The following CDH13 variants were observed in gnomAD, a reference collection of about 807,000 sequenced individuals.
CDH13 encodes the protein cadherin-13.
A neutral mutation model predicts 63.8 loss-of-function variants in CDH13; 24 were observed. That is an observed-to-expected ratio of 0.38 (90% CI 0.27 to 0.53). CDH13 has a LOEUF of 0.53. Ranked by LOEUF, CDH13 falls within the 20% of genes least tolerant of loss-of-function variation. The pLI is 0.85. For missense variants in CDH13, 1,049 were observed against 903.1 expected (o/e 1.16, Z -2.07); for synonymous variants, 503 against 355.3 (o/e 1.42, Z -4.67).
At chr16:83,637,012 G>A (rs1567473313) in intron 8 of CDH13, among the ~76,000 whole-genome samples, 2 of 152,178 alleles carry the variant, frequency 1.3e-5, no homozygotes, top group Admixed American at 1.3e-4. Context: ...GCTGATTAGT[G>A]ATGATGAGCA....
At chr16:83,072,299 C>T (rs933711295) in intron 3 of CDH13, among the ~76,000 whole-genome samples, 1 of 152,088 alleles carries the variant, frequency 6.6e-6, no homozygotes, top group Non-Finnish European at 1.5e-5. Flanking sequence ...AGTTTGCAAT[C>T]GTTTAGTTAA....
At chr16:83,292,601 A>G (rs971511399) in intron 5 of CDH13, among the ~76,000 whole-genome samples, 1 of 152,182 alleles carries the variant, frequency 6.6e-6, no homozygotes, top group Non-Finnish European at 1.5e-5. Flanking sequence ...TACCTCTCCC[A>G]GATGAGGCCC....
At chr16:83,788,814 G>C (rs11647783) in intron 13 of CDH13, among the ~76,000 whole-genome samples, 30,874 of 152,184 alleles carry the variant, frequency 0.2, 3,491 homozygotes, top group Non-Finnish European at 0.26. Context: ...AGGGGCACCT[G>C]TGTGTAAAGT....
At chr16:83,540,923 C>T (rs976823352) in intron 7 of CDH13, among the ~76,000 whole-genome samples, 1 of 152,212 alleles carries the variant, frequency 6.6e-6, no homozygotes, top group South Asian at 2.1e-4. Context: ...AGCCACTGCA[C>T]CTGGCCTATT....
At chr16:83,236,182 C>G (rs990064385) in intron 5 of CDH13, among the ~76,000 whole-genome samples, 2 of 151,712 alleles carry the variant, frequency 1.3e-5, no homozygotes, top group Non-Finnish European at 2.9e-5. Flanking sequence ...CTTTTCCAAA[C>G]TAGTTCTGAA....
At chr16:83,671,851 G>A (rs1181601836) in intron 9 of CDH13, among the ~76,000 whole-genome samples, 2 of 152,218 alleles carry the variant, frequency 1.3e-5, no homozygotes, top group Non-Finnish European at 1.5e-5. Context: ...TGGTAATCCA[G>A]AAATATTAGT....
chr16:83,550,029 TAGC>T, intron 7 of CDH13, among the ~76,000 whole-genome samples: 1 of 152,206 alleles, frequency 6.6e-6, no homozygotes, highest in Non-Finnish European at 1.5e-5. Context: ...AAACACTAAT[TAGC>T]AGCAGCTGCT....
At chr16:83,530,597 A>G (rs983382101) in intron 7 of CDH13, among the ~76,000 whole-genome samples, 2 of 152,186 alleles carry the variant, frequency 1.3e-5, no homozygotes, top group Non-Finnish European at 2.9e-5. Context: ...AGGCTTTCAC[A>G]TCAACCACGC....
intron 5 of CDH13, among the ~76,000 whole-genome samples, chr16:83,241,649 C>A (rs1225560142): frequency 1.3e-5 from 2 of 152,134 alleles, no homozygotes; most frequent in Non-Finnish European, 2.9e-5. Context: ...ATTATCTATT[C>A]AGGCCCCTTG....
intron 5 of CDH13, among the ~76,000 whole-genome samples, chr16:83,234,114 CA>C (rs1275917113): frequency 1.3e-5 from 2 of 152,210 alleles, no homozygotes; most frequent in Non-Finnish European, 2.9e-5. Flanking sequence ...GATGAACCCC[CA>C]GGGGCAACCC....
chr16:83,426,196 C>T (rs1276907086), intron 6 of CDH13, among the ~76,000 whole-genome samples: 3 of 152,146 alleles, frequency 2.0e-5, no homozygotes, highest in Non-Finnish European at 2.9e-5. Context: ...GTTCACTCCT[C>T]CCAGCCTCTG....
chr16:83,345,870 T>C (rs769903859), intron 6 of CDH13, among the ~76,000 whole-genome samples: 6 of 152,104 alleles, frequency 3.9e-5, no homozygotes, highest in Non-Finnish European at 7.4e-5. Flanking sequence ...ATAGGTAAAA[T>C]AGTGATTCGT....
intron 5 of CDH13, among the ~76,000 whole-genome samples, chr16:83,301,159 G>A (rs2089732457): frequency 6.9e-6 from 1 of 145,352 alleles, no homozygotes; most frequent in African/African-American, 2.5e-5. Context: ...AGCCTCCCAA[G>A]TAGCTGGGAC....
At chr16:83,611,122 A>C (rs543735946) in intron 8 of CDH13, among the ~76,000 whole-genome samples, 1 of 151,890 alleles carries the variant, frequency 6.6e-6, no homozygotes, top group Non-Finnish European at 1.5e-5. Flanking sequence ...AAGTCTTTCA[A>C]CCATTTTTTA....
In CDH13 at chr16:83,240,095, G is replaced by C. The variant is rs547040650; in HGVS notation, c.636+22598G>C. ...CTGTTGCAAATCGTAGGGCCCCAGA[G>C]TCTGACAAGCTCAAGGCAAATCCTA... is the stretch of plus-strand genomic sequence containing the variant. On this transcript the variant is annotated intron_variant, in intron 5 of 13. Transcript: ENST00000567109. Among the ~76,000 whole-genome samples, 3 of 152,154 alleles carry C rather than the reference G, an allele frequency of 2.0e-5. No homozygotes were observed. In the East Asian group the frequency reaches 5.8e-4, roughly 29 times the overall value.
At chr16:83,220,660 AAAAAG>A (rs946706546) in intron 5 of CDH13, among the ~76,000 whole-genome samples, 2 of 150,080 alleles carry the variant, frequency 1.3e-5, no homozygotes, top group African/African-American at 4.9e-5. Context: ...AGCAAGAAAA[AAAAAG>A]AAAAAGAAAA....
intron 1 of CDH13, among the ~76,000 whole-genome samples, chr16:82,636,015 C>T (rs2150876185): frequency 6.6e-6 from 1 of 152,266 alleles, no homozygotes; most frequent in Non-Finnish European, 1.5e-5. Flanking sequence ...CATGCAGAAG[C>T]AAGCCAATTA....
intron 8 of CDH13, among the ~76,000 whole-genome samples, chr16:83,661,850 G>A (rs923143000): frequency 6.6e-6 from 1 of 152,198 alleles, no homozygotes; most frequent in Non-Finnish European, 1.5e-5. Context: ...GAGGGGAAGA[G>A]GGAGCAATTC....
At chr16:83,636,917 A>G (rs1034544386) in intron 8 of CDH13, among the ~76,000 whole-genome samples, 2 of 152,156 alleles carry the variant, frequency 1.3e-5, no homozygotes, top group African/African-American at 4.8e-5. Context: ...TTCTACCAAC[A>G]TCTGTAATTT....
Sources: gnomAD v4.1 joint callset for allele counts (sites outside exome capture counted in the v4.1 genomes callset) on GRCh38, gnomAD v4.1.1 for gene constraint, MANE v1.5 for transcripts, NCBI Gene and HGNC (gene_info 2026-07-23, HGNC 2026-07-21) for gene names.